Variants in ZNF608 observed in about 807,000 individuals in gnomAD.
The protein encoded by ZNF608 is renal carcinoma antigen NY-REN-36.
In ZNF608, 12 loss-of-function variants were observed where a neutral mutation model predicts 109.0. The ratio of observed to expected loss-of-function variants is 0.11; its 90% CI spans 0.07 to 0.18. The LOEUF (loss-of-function observed/expected upper bound fraction) is 0.18, where lower values mean the gene tolerates loss of function less well. Ranked by LOEUF, ZNF608 falls within the 10% of genes least tolerant of loss-of-function variation. ZNF608 has a pLI of 1.00. For missense variants in ZNF608, 1,707 were observed against 1,879.3 expected, an observed-to-expected ratio of 0.91 and a Z score of 1.70; for synonymous variants, 732 against 717.4, an observed-to-expected ratio of 1.02 and a Z score of -0.33.
intron 9 of ZNF608, 31 bp from the exon 10 acceptor site, chr5:124,637,937 G>A (rs1012654741): frequency 1.2e-6 from 2 of 1,610,536 alleles, no homozygotes; most frequent in Non-Finnish European, 1.7e-6. Flanking sequence ...TTAGCACACG[G>A]TTCTATCAAC....
At position 124,746,473 on chromosome 5, in the gene ZNF608, T is replaced by A. The variant is rs1226550180; in HGVS notation, c.-462A>T. 1.0e-6 allele frequency: 1 copy of A among 983,494 alleles called. No individual in the cohort carries two copies. The highest frequency in any genetic ancestry group is 1.2e-6 in the Non-Finnish European group (1 of 829,232). The allele number at this position is 983,494 out of a possible 1,614,324, so 60.9% of individuals were successfully genotyped here. On this transcript the variant is annotated 5_prime_UTR_variant, in exon 1 of 10. Coordinates refer to ENST00000513986, the MANE Select transcript of ZNF608 (RefSeq NM_020747.3). ...ACATTCACAACAGAAGCACCAAAGG[T>A]TTTTTTTTCCTCTTAACAAGCATCG...
At chr5:124,738,274 G>T (rs1028769073) in intron 2 of ZNF608, among the ~76,000 whole-genome samples, 1 of 152,134 alleles carries the variant, frequency 6.6e-6, no homozygotes, top group Non-Finnish European at 1.5e-5. Flanking sequence ...GAATCCTAGC[G>T]AAGAAGGGTT....
chr5:124,733,192 C>A (rs1479481815), intron 2 of ZNF608, among the ~76,000 whole-genome samples: 1 of 150,538 alleles, frequency 6.6e-6, no homozygotes, highest in Admixed American at 6.6e-5. Flanking sequence ...TCCAATTAAA[C>A]CATTCATTCT....
chr5:124,657,947 C>T (rs1751085136), intron 3 of ZNF608, among the ~76,000 whole-genome samples: 1 of 152,124 alleles, frequency 6.6e-6, no homozygotes, highest in African/African-American at 2.4e-5. Flanking sequence ...GGCAAACATA[C>T]ATATCCTAAA....
At position 124,739,251 on chromosome 5, in the gene ZNF608, C is replaced by T. The variant is rs375374505; in HGVS notation, c.906+4833G>A. Among the ~76,000 whole-genome samples, 10 of 152,278 alleles carry T rather than the reference C, an allele frequency of 6.6e-5. 1 individual carries two copies. Among genetic ancestry groups the T allele is most frequent in the Admixed American group, 5.2e-4 (8 of 15,292 alleles). On this transcript the variant is annotated intron_variant, in intron 2 of 9. Transcript: ENST00000513986. ...AACAAAGGCCGGATAATGTTTTACC[C>T]AGGGCTCTAACTAAACCCAGAACCA... is the stretch of plus-strand genomic sequence containing the variant.
In ZNF608 at chr5:124,746,515, A is replaced by T. The variant is rs901957499; in HGVS notation, c.-504T>A. 22 of 985,242 alleles carry T rather than the reference A, an allele frequency of 2.2e-5. No homozygotes were observed. The Admixed American group carries it at 2.5e-4, about 11-fold the overall frequency. 61.0% of individuals were successfully genotyped at this position (985,242 alleles called of 1,614,324 possible). ...CAAGCATCGAGAATAATAGTTTTTTAAAAAACAGAGAGTTTAGAGAAAAAA... is the reference window on the plus strand; with the variant it reads ...CAAGCATCGAGAATAATAGTTTTTTTAAAAACAGAGAGTTTAGAGAAAAAA... On this transcript the variant is annotated 5_prime_UTR_variant, in exon 1 of 10. Transcript: ENST00000513986.
At chr5:124,729,469 G>C (rs1024319551) in intron 2 of ZNF608, among the ~76,000 whole-genome samples, 9 of 152,184 alleles carry the variant, frequency 5.9e-5, no homozygotes, top group Non-Finnish European at 8.8e-5. Context: ...CTGAGCCCGG[G>C]AGAGGCTAAA....
Position 124,639,197 on chromosome 5 carries a change from G to T in ZNF608, c.4468C>A (p.Leu1490Ile). ...GCAGCCACCTGCTGAGAGGCAACAA[G>T]GGCAGCAGAGGTCAAGCCTAATGGG... ...DPFQGLTSAA[L>I]VASQQVAAQA... Residue 1490 changes from leucine to isoleucine, a missense_variant, in exon 9 of 10, where the codon CTT becomes ATT. Physicochemically the swap from Leu to Ile is conservative, Grantham distance 5 (BLOSUM62 2). This residue lies in a region of ZNF608 where 1,073 missense variants were observed against 1,133.5 expected (regional missense o/e 0.95). Coordinates refer to ENST00000513986, the MANE Select transcript of ZNF608 (RefSeq NM_020747.3). The T allele has an allele frequency of 6.2e-7, 1 of 1,614,182 alleles. No homozygotes were observed. The highest frequency in any genetic ancestry group is 8.5e-7 in the Non-Finnish European group (1 of 1,180,008).
intron 3 of ZNF608, among the ~76,000 whole-genome samples, chr5:124,679,886 A>G (rs959881890): frequency 6.6e-6 from 1 of 152,168 alleles, no homozygotes; most frequent in Admixed American, 6.5e-5. Context: ...TTTTCCTAGG[A>G]CTTTGATTCT....
chr5:124,669,356 A>G (rs1399172492), intron 3 of ZNF608, among the ~76,000 whole-genome samples: 1 of 152,184 alleles, frequency 6.6e-6, no homozygotes, highest in Non-Finnish European at 1.5e-5. Flanking sequence ...TCAGATGCAC[A>G]CTGTCTGTGC....
At position 124,658,393 on chromosome 5, in the gene ZNF608, T is replaced by C. The variant is rs537015751; in HGVS notation, c.1163-8696A>G. On this transcript the variant is annotated intron_variant, in intron 3 of 9. Coordinates refer to ENST00000513986, the MANE Select transcript of ZNF608 (RefSeq NM_020747.3). ...GCAATTCAAATGCATAAACTGAATA[T>C]GTACATGTATAGAGTGTGTGTCTGT... Among the ~76,000 whole-genome samples, 5 of 152,342 alleles carry C rather than the reference T, an allele frequency of 3.3e-5. No homozygotes were observed. In the South Asian group the frequency reaches 1.0e-3, roughly 32 times the overall value.
chr5:124,727,654 A>C (rs1281644551), intron 2 of ZNF608, among the ~76,000 whole-genome samples: 1 of 145,826 alleles, frequency 6.9e-6, no homozygotes, highest in African/African-American at 2.5e-5. Context: ...AATCAGACCA[A>C]AAAAAAAAAA....
At chr5:124,699,462 A>G (rs1029210879) in intron 3 of ZNF608, among the ~76,000 whole-genome samples, 1 of 152,226 alleles carries the variant, frequency 6.6e-6, no homozygotes, top group Non-Finnish European at 1.5e-5. Flanking sequence ...AAATGAAAGA[A>G]GAGACCCAAA....
At chr5:124,639,008 A>T (rs1372792173) in intron 9 of ZNF608, 125 bp downstream of exon 9, 1 of 934,964 alleles carries the variant, frequency 1.1e-6, no homozygotes, top group Non-Finnish European at 1.6e-6. Context: ...CATAATAAAC[A>T]CATTCATTAC....
chr5:124,699,859 C>A (rs753083922), intron 3 of ZNF608, among the ~76,000 whole-genome samples: 10 of 152,122 alleles, frequency 6.6e-5, no homozygotes, highest in Non-Finnish European at 1.2e-4. Flanking sequence ...CCAGCAATTA[C>A]CCTCAATATT....
Position 124,647,121 on chromosome 5 carries a change from T to G in ZNF608, c.3263A>C (p.Tyr1088Ser). ...LYYGQYAYGLYMDQKSLMATS... is the reference protein window; with the variant it reads ...LYYGQYAYGLSMDQKSLMATS... The stretch of plus-strand genomic sequence containing the variant: ...GGCCATCAGAGACTTCTGGTCCATA[T>G]AGAGCCCATATGCATACTGGCCATA... Residue 1088 changes from tyrosine (Y) to serine (S), a missense_variant, in exon 5 of 10, where the codon TAT (tyrosine) becomes TCT (serine). By Grantham distance (144) the Tyr-to-Ser change is moderately radical (BLOSUM62 -2). This residue lies in a region of ZNF608 where 1,073 missense variants were observed against 1,133.5 expected (regional missense o/e 0.95). Transcript: ENST00000513986. The G allele has an allele frequency of 6.2e-7, 1 of 1,614,190 alleles. No homozygotes were observed. Among genetic ancestry groups the G allele is most frequent in the Non-Finnish European group, 8.5e-7 (1 of 1,180,040 alleles).
chr5:124,712,373 T>C (rs1753532231), intron 2 of ZNF608, among the ~76,000 whole-genome samples: 1 of 152,038 alleles, frequency 6.6e-6, no homozygotes, highest in Admixed American at 6.5e-5. Context: ...ATGGACAGAA[T>C]TAGATCATTC....
At position 124,701,116 on chromosome 5, in the gene ZNF608, T is replaced by C. The variant is rs1340472853; in HGVS notation, c.1060A>G (p.Thr354Ala). ...LVRTRSVGVN[T>A]CEVGVVTEPE... Reference sequence around the variant, plus strand: ...TCTGTCACTACTCCAACTTCACATGTATTGACACCCACAGAACGAGTCCGA... The same window carrying C: ...TCTGTCACTACTCCAACTTCACATGCATTGACACCCACAGAACGAGTCCGA... Residue 354 changes from threonine to alanine, a missense_variant, in exon 3 of 10, where the codon ACA (threonine) becomes GCA (alanine). By Grantham distance (58) the Thr-to-Ala change is moderately conservative. Around this residue, in one of 7 missense-constraint regions of ZNF608, gnomAD observed 407 missense variants for 398.7 expected, o/e 1.02. Transcript: ENST00000513986. The C allele has an allele frequency of 2.5e-6, 4 of 1,614,024 alleles. No individual in the cohort carries two copies. In the African/African-American group the frequency reaches 5.3e-5, roughly 22 times the overall value.
chr5:124,694,809 G>A (rs1196309782), intron 3 of ZNF608, among the ~76,000 whole-genome samples: 1 of 150,148 alleles, frequency 6.7e-6, no homozygotes, highest in Non-Finnish European at 1.5e-5. Context: ...CTATGAGTGA[G>A]AACATGCGGT....
Sources: allele counts gnomAD v4.1 joint callset (sites outside exome capture counted in the v4.1 genomes callset), GRCh38; gene constraint gnomAD v4.1.1; regional missense constraint gnomAD v4.1.1; transcripts MANE v1.5; gene names NCBI Gene and HGNC (gene_info 2026-07-23, HGNC 2026-07-21).